SEMA4D: variants seen among roughly 807,000 people sequenced by gnomAD.
SEMA4D encodes semaphorin 4D.
A neutral mutation model predicts 74.8 loss-of-function variants in SEMA4D; 22 were observed. The ratio of observed to expected loss-of-function variants is 0.29; its 90% CI spans 0.21 to 0.42. SEMA4D has a LOEUF of 0.42. Among genes scored for constraint, SEMA4D ranks in the 10% least tolerant of loss-of-function variants. The pLI, the probability that SEMA4D is intolerant of heterozygous loss-of-function variation, is 1.00. For missense variants in SEMA4D, 937 were observed against 1,118.4 expected (o/e 0.84, Z 2.31); for synonymous variants, 445 against 463.7 (o/e 0.96, Z 0.52).
At chr9:89,491,198 A>C (rs1825598244) in intron 1 of SEMA4D, among the ~76,000 whole-genome samples, 1 of 152,162 alleles carries the variant, frequency 6.6e-6, no homozygotes, top group Non-Finnish European at 1.5e-5. Flanking sequence ...CTTTCTCCCC[A>C]TGGGCCTGTC....
chr9:89,374,712 G>A (rs1287528368), downstream of SEMA4D, among the ~76,000 whole-genome samples: 2 of 152,196 alleles, frequency 1.3e-5, no homozygotes, highest in East Asian at 1.9e-4. Context: ...GGGCTTGTGT[G>A]TATGCCTGCC....
chr9:89,427,392 G>A (rs1009589274), intron 2 of SEMA4D, among the ~76,000 whole-genome samples: 3 of 152,164 alleles, frequency 2.0e-5, no homozygotes, highest in African/African-American at 4.8e-5. Flanking sequence ...TGAGATGCCT[G>A]TATCAGAAAA....
At chr9:89,367,739 A>ACTGT (rs1325023951) in intron 16 of SEMA4D, 1 of 152,248 alleles carries the variant, frequency 6.6e-6, no homozygotes, top group Non-Finnish European at 1.5e-5. Flanking sequence ...TACAGCTAGG[A>ACTGT]CTGTCGTGAG....
downstream of SEMA4D, chr9:89,376,698 C>T: frequency 1.5e-6 from 2 of 1,312,194 alleles, no homozygotes; most frequent in Admixed American, 2.8e-5. Flanking sequence ...ACGGCTCAAC[C>T]CGAGGGACGC....
chr9:89,388,631 C>T lies in SEMA4D; in HGVS notation c.1107+5G>A. 1 of 1,595,810 alleles carries T rather than the reference C, an allele frequency of 6.3e-7. No homozygotes were observed. The highest frequency in any genetic ancestry group is 2.2e-5 in the East Asian group (1 of 44,788). ...GCACGGCCCGCCCCCAGTGCCCCAG[C>T]TCACCGCTCCAGGCCGCGGCTTGGG... On this transcript the variant is annotated splice_donor_5th_base_variant and intron_variant, in intron 11 of 15. Transcript: ENST00000422704.
At chr9:89,437,946 G>C (rs1850818417) in intron 2 of SEMA4D, among the ~76,000 whole-genome samples, 1 of 152,222 alleles carries the variant, frequency 6.6e-6, no homozygotes, top group South Asian at 2.1e-4. Context: ...AACATGCACA[G>C]TGCCATCTGG....
rs1378589374 is a variant in SEMA4D at position 89,484,719 on chromosome 9, G to C, written c.-310+13200C>G. Among the ~76,000 whole-genome samples, 1 of 150,864 alleles carries C rather than the reference G, an allele frequency of 6.6e-6. No homozygotes were observed. On this transcript the variant is annotated intron_variant, in intron 1 of 15. Transcript: ENST00000422704. The surrounding 1 kb of genome is among the most constrained non-coding windows in gnomAD (Gnocchi z 4.1). ...GGTATGTGATGTGGTGTATGGATGT[G>C]TTGTGTGTTATGTGTGTGTGGTGTG...
intron 2 of SEMA4D, among the ~76,000 whole-genome samples, chr9:89,441,183 A>G (rs1055614899): frequency 6.6e-6 from 1 of 152,244 alleles, no homozygotes; most frequent in Non-Finnish European, 1.5e-5. Flanking sequence ...CAGACCAGCC[A>G]CCCACATTGA....
rs529044169 is a variant in SEMA4D at position 89,432,172 on chromosome 9, A to T, written c.-244+23716T>A. The stretch of plus-strand genomic sequence containing the variant: ...ACCCTCTGCCCCTTGGCTTCCATCC[A>T]TAAGACAGAGTTGGCCACAAAAGGT... On this transcript the variant is annotated intron_variant, in intron 2 of 15. Transcript: ENST00000422704. Among the ~76,000 whole-genome samples the T allele has an allele frequency of 2.0e-5, 3 of 152,340 alleles. No homozygotes were observed. The South Asian group carries it at 6.2e-4, about 32-fold the overall frequency.
chr9:89,446,242 A>G (rs1564816508), intron 2 of SEMA4D, among the ~76,000 whole-genome samples: 2 of 152,212 alleles, frequency 1.3e-5, no homozygotes, highest in African/African-American at 4.8e-5. Context: ...GCCTCTGAGA[A>G]GAACACTTGT....
intron 6 of SEMA4D, among the ~76,000 whole-genome samples, chr9:89,396,370 C>T (rs1186544706): frequency 6.6e-6 from 1 of 152,214 alleles, no homozygotes; most frequent in Non-Finnish European, 1.5e-5. Context: ...ATAGCATGTT[C>T]AGGCTACCTG....
At chr9:89,472,771 A>C (rs529901781) in intron 1 of SEMA4D, 1 of 155,262 alleles carries the variant, frequency 6.4e-6, no homozygotes, top group East Asian at 1.9e-4. Context: ...ACAGTAGTAA[A>C]TTTTCTAGAT....
At chr9:89,390,377 G>GT (rs1227988933) in intron 9 of SEMA4D, among the ~76,000 whole-genome samples, 3 of 149,094 alleles carry the variant, frequency 2.0e-5, no homozygotes, top group Non-Finnish European at 4.5e-5. Flanking sequence ...GGGCTGCGGG[G>GT]CAGCTGGAGG....
intron 1 of SEMA4D, among the ~76,000 whole-genome samples, chr9:89,490,275 T>C (rs776964332): frequency 6.6e-6 from 1 of 152,200 alleles, no homozygotes; most frequent in African/African-American, 2.4e-5. Flanking sequence ...TTCCACCAAC[T>C]ATTCAGCAAT....
chr9:89,364,075 C>T (rs45615438), intron 16 of SEMA4D: 264,257 of 1,575,944 alleles, frequency 0.17, 27,044 homozygotes, highest in Admixed American at 0.41. Flanking sequence ...GGACAACTTC[C>T]AATTCAGTCC....
chr9:89,399,184 G>GA, intron 5 of SEMA4D, 92 bp downstream of exon 5: 1 of 1,059,932 alleles, frequency 9.4e-7, no homozygotes, highest in South Asian at 1.3e-5. Context: ...AGAAAAGGCT[G>GA]GCCTGCACTG....
chr9:89,402,318 C>T (rs1393551899), intron 4 of SEMA4D, among the ~76,000 whole-genome samples: 4 of 152,180 alleles, frequency 2.6e-5, no homozygotes, highest in Non-Finnish European at 4.4e-5. Flanking sequence ...ACTGAATGGA[C>T]AGGGTGACCA....
intron 1 of SEMA4D, among the ~76,000 whole-genome samples, chr9:89,473,630 G>A (rs573373771): frequency 6.6e-6 from 1 of 152,266 alleles, no homozygotes; most frequent in African/African-American, 2.4e-5. Context: ...GCCGAGGCAG[G>A]TGGATCACCT....
At chr9:89,452,744 C>T (rs768302858) in intron 2 of SEMA4D, among the ~76,000 whole-genome samples, 4 of 152,242 alleles carry the variant, frequency 2.6e-5, no homozygotes, top group East Asian at 3.8e-4. Flanking sequence ...TGAGCCACCA[C>T]GCCAGGTGTC....
Sources: gnomAD v4.1 joint callset for allele counts (sites outside exome capture counted in the v4.1 genomes callset) on GRCh38, gnomAD v4.1.1 for gene constraint, Gnocchi (gnomAD v3.1) non-coding constraint, MANE v1.5 for transcripts, NCBI Gene and HGNC (gene_info 2026-07-23, HGNC 2026-07-21) for gene names.